Variants in FMN1 observed in about 807,000 individuals in gnomAD.
The protein encoded by FMN1 is formin 1, also known as formin-1.
Under a neutral mutation model 132.4 loss-of-function variants are expected in FMN1, and 110 were observed. The observed-to-expected ratio is 0.83, with a 90% CI of 0.71 to 0.97. The LOEUF (loss-of-function observed/expected upper bound fraction) is 0.97. Ranked by LOEUF, FMN1 falls within the 50% of genes least tolerant of loss-of-function variation. FMN1 has a pLI of 0.00. For missense variants in FMN1, 1,792 were observed against 1,705.3 expected, an observed-to-expected ratio of 1.05 and a Z score of -0.90; for synonymous variants, 722 against 651.7, an observed-to-expected ratio of 1.11 and a Z score of -1.64.
At position 32,821,166 on chromosome 15, in the gene FMN1, A is replaced by G. The variant is rs1337279494; in HGVS notation, c.3929-16834T>C. 2.6e-5 allele frequency among the ~76,000 whole-genome samples: 4 copies of G among 151,594 alleles called. 1 individual carries two copies. The South Asian group carries it at 8.3e-4, about 32-fold the overall frequency. ...TCTAAGAGATAATCAGAGTATCCAA[A>G]TAATGGCAGATTGTCTTGTCCTCTC... On this transcript the variant is annotated intron_variant, in intron 17 of 20. Coordinates refer to ENST00000616417, the MANE Select transcript of FMN1 (RefSeq NM_001277313.2).
intron 10 of FMN1, among the ~76,000 whole-genome samples, chr15:32,924,617 G>A: frequency 6.6e-6 from 1 of 152,308 alleles, no homozygotes; most frequent in South Asian, 2.1e-4. Context: ...TAAGTGAAAT[G>A]TCAATATAAA....
chr15:33,139,647 A>C (rs1963925716), intron 4 of FMN1, among the ~76,000 whole-genome samples: 1 of 152,214 alleles, frequency 6.6e-6, no homozygotes, highest in South Asian at 2.1e-4. Context: ...ACTCAATGTC[A>C]CTAAAGATCC....
At chr15:32,798,041 G>A (rs1329575634) in intron 19 of FMN1, among the ~76,000 whole-genome samples, 2 of 152,072 alleles carry the variant, frequency 1.3e-5, no homozygotes, top group African/African-American at 2.4e-5. Flanking sequence ...TGTTCCACAG[G>A]AGTAGTAGTA....
chr15:32,892,969 C>G (rs1277180149), intron 15 of FMN1, among the ~76,000 whole-genome samples: 1 of 152,096 alleles, frequency 6.6e-6, no homozygotes, highest in African/African-American at 2.4e-5. Flanking sequence ...TATCAATAAG[C>G]TTTATTTTTG....
At chr15:33,003,991 A>AT (rs2034264711) in intron 7 of FMN1, among the ~76,000 whole-genome samples, 1 of 151,708 alleles carries the variant, frequency 6.6e-6, no homozygotes, top group Admixed American at 6.6e-5. Flanking sequence ...GGCTAGCCAT[A>AT]CGTACAAAGC....
chr15:33,059,669 TCAACA>T (rs2037394199), intron 6 of FMN1, among the ~76,000 whole-genome samples: 2 of 152,270 alleles, frequency 1.3e-5, no homozygotes, highest in African/African-American at 4.8e-5. Context: ...ACATAATTTA[TCAACA>T]GAGTATTAAT....
chr15:32,875,558 T>TA (rs1321842204), intron 16 of FMN1, among the ~76,000 whole-genome samples: 2 of 151,978 alleles, frequency 1.3e-5, no homozygotes, highest in African/African-American at 4.8e-5. Flanking sequence ...TATTAAAAGG[T>TA]AGAGTCACAG....
At chr15:33,125,756 G>A (rs12902782) in intron 4 of FMN1, among the ~76,000 whole-genome samples, 5,156 of 150,932 alleles carry the variant, frequency 0.034, 144 homozygotes, top group Middle Eastern at 0.058. Context: ...AACTTTGTAT[G>A]GTGAAATTTT....
chr15:32,792,938 A>G (rs376331952), intron 19 of FMN1, among the ~76,000 whole-genome samples: 1 of 152,074 alleles, frequency 6.6e-6, no homozygotes, highest in Admixed American at 6.6e-5. Flanking sequence ...AGGAAAATTG[A>G]TTTTTCCTTT....
chr15:33,165,097 T>A (rs1180827884), intron 3 of FMN1, among the ~76,000 whole-genome samples: 1 of 152,226 alleles, frequency 6.6e-6, no homozygotes, highest in African/African-American at 2.4e-5. Context: ...GATAGGAGAT[T>A]CCTACTCGTT....
intron 6 of FMN1, among the ~76,000 whole-genome samples, chr15:33,015,176 C>T (rs948257501): frequency 6.6e-6 from 1 of 152,144 alleles, no homozygotes; most frequent in African/African-American, 2.4e-5. Context: ...TCTTGCCGTT[C>T]TTTTGGTTAC....
At chr15:32,894,977 C>T (rs927711992) in intron 15 of FMN1, among the ~76,000 whole-genome samples, 4 of 152,072 alleles carry the variant, frequency 2.6e-5, no homozygotes, top group African/African-American at 9.7e-5. Flanking sequence ...ATACACTCTC[C>T]ATAAGAGTAT....
chr15:33,109,882 T>C (rs972799137), intron 4 of FMN1, among the ~76,000 whole-genome samples: 10 of 149,392 alleles, frequency 6.7e-5, no homozygotes, highest in South Asian at 2.1e-4. Flanking sequence ...TCACTGTAAA[T>C]CAGGAAGTCT....
chr15:33,005,979 T>A lies in FMN1; in HGVS notation c.2223+2035A>T, dbSNP rs1297283848. ...GTGAAATTGACTCATTTTCTCTCCC[T>A]AACTATTTAAACTCTGCTGGATGGG... On this transcript the variant is annotated intron_variant, in intron 7 of 20. Transcript: ENST00000616417. 2.6e-5 allele frequency among the ~76,000 whole-genome samples: 4 copies of A among 152,158 alleles called. No homozygotes were observed. In the East Asian group the frequency reaches 7.7e-4, roughly 29 times the overall value.
intron 9 of FMN1, among the ~76,000 whole-genome samples, chr15:32,949,931 G>T: frequency 1.1e-5 from 1 of 93,764 alleles, no homozygotes; most frequent in Non-Finnish European, 2.3e-5. Flanking sequence ...CATGCATGAG[G>T]CCAAAAAGCA....
intron 4 of FMN1, among the ~76,000 whole-genome samples, chr15:33,116,427 G>A (rs968060315): frequency 6.6e-6 from 1 of 152,174 alleles, no homozygotes; most frequent in East Asian, 1.9e-4. Flanking sequence ...CAATCCAGCT[G>A]TTTCTATGCC....
At chr15:32,883,058 A>G (rs1007554983) in intron 16 of FMN1, among the ~76,000 whole-genome samples, 3 of 152,252 alleles carry the variant, frequency 2.0e-5, no homozygotes, top group African/African-American at 7.2e-5. Context: ...TTCCCCTCCC[A>G]CAGTAACACA....
intron 6 of FMN1, among the ~76,000 whole-genome samples, chr15:33,028,431 T>C (rs999969326): frequency 2.0e-5 from 3 of 152,104 alleles, no homozygotes; most frequent in African/African-American, 7.2e-5. Context: ...GGTTCTTCCT[T>C]ACCCTACACA....
At chr15:33,067,097 T>A (rs1217475841) in intron 5 of FMN1, 16 of 1,613,866 alleles carry the variant, frequency 9.9e-6, no homozygotes, top group Non-Finnish European at 1.4e-5. Context: ...AGAGACTTCT[T>A]TTTTAGAAGA....
Sources: gnomAD v4.1 joint callset for allele counts (sites outside exome capture counted in the v4.1 genomes callset) on GRCh38, gnomAD v4.1.1 for gene constraint, MANE v1.5 for transcripts, NCBI Gene and HGNC (gene_info 2026-07-23, HGNC 2026-07-21) for gene names.